Variants in ASTN2 observed in about 807,000 individuals in gnomAD.
The protein encoded by ASTN2 is astrotactin-2.
ASTN2 carries 54 observed loss-of-function variants against 139.8 expected under a neutral mutation model. That is an observed-to-expected ratio of 0.39 (90% confidence interval 0.31 to 0.48). The LOEUF is 0.48. Among genes scored for constraint, ASTN2 ranks in the 20% least tolerant of loss-of-function variants. The pLI, the probability that ASTN2 is intolerant of heterozygous loss-of-function variation, is 0.95. For missense variants in ASTN2, 1,565 were observed against 1,725.1 expected, an observed-to-expected ratio of 0.91 and a Z score of 1.64; for synonymous variants, 756 against 719.5, an observed-to-expected ratio of 1.05 and a Z score of -0.81.
intron 2 of ASTN2, among the ~76,000 whole-genome samples, chr9:117,273,611 C>T (rs1834116128): frequency 6.6e-6 from 1 of 152,172 alleles, no homozygotes; most frequent in African/African-American, 2.4e-5. Flanking sequence ...GGGCCATGCA[C>T]ATGAGCACAC....
chr9:116,915,620 GA>G lies in ASTN2; in HGVS notation c.1890-51888del, dbSNP rs543197903. On this transcript the variant is annotated intron_variant, in intron 10 of 22. Transcript: ENST00000313400. Reference sequence around the variant, plus strand: ...ATCACGTCAATCTTGGCTACATGATGAAGCCTCCATAAAAATCCTTAAGCTG... The same window carrying G: ...ATCACGTCAATCTTGGCTACATGATGAGCCTCCATAAAAATCCTTAAGCTG... Among the ~76,000 whole-genome samples the G allele has an allele frequency of 7.2e-4, 110 of 152,276 alleles. 1 individual carries two copies. The highest frequency in any genetic ancestry group is 7.6e-4 in the Non-Finnish European group (52 of 68,022).
intron 20 of ASTN2, among the ~76,000 whole-genome samples, chr9:116,476,514 C>T (rs1052934294): frequency 2.6e-5 from 4 of 152,128 alleles, no homozygotes; most frequent in African/African-American, 9.7e-5. Flanking sequence ...CAGGTAACAG[C>T]CTGGTCCTTT....
chr9:116,487,238 G>T, intron 20 of ASTN2, 121 bp downstream of exon 20: 2 of 1,236,248 alleles, frequency 1.6e-6, no homozygotes, highest in Non-Finnish European at 2.2e-6. Flanking sequence ...ATCTCAAGTT[G>T]CACATACAGG....
At chr9:116,955,741 T>G (rs962138442) in intron 10 of ASTN2, among the ~76,000 whole-genome samples, 4 of 152,230 alleles carry the variant, frequency 2.6e-5, no homozygotes, top group Non-Finnish European at 5.9e-5. Context: ...TTATTTTCTC[T>G]TCTATAAAAT....
intron 13 of ASTN2, among the ~76,000 whole-genome samples, chr9:116,779,566 C>A (rs1185687039): frequency 1.3e-5 from 2 of 152,138 alleles, no homozygotes; most frequent in African/African-American, 4.8e-5. Context: ...CATTCCCTGA[C>A]CTTTCACCTT....
intron 5 of ASTN2, among the ~76,000 whole-genome samples, chr9:117,087,287 T>G (rs1347838980): frequency 2.0e-5 from 3 of 152,152 alleles, no homozygotes; most frequent in Non-Finnish European, 4.4e-5. Flanking sequence ...CAGTCTTTAG[T>G]GCAGAGGTGC....
In ASTN2 at chr9:116,440,643, A is replaced by G. The variant is rs1847812568; in HGVS notation, c.3748T>C (p.Phe1250Leu). 1 of 1,614,026 alleles carries G rather than the reference A, an allele frequency of 6.2e-7. No individual in the cohort carries two copies. Reference sequence around the variant, plus strand: ...AGCTCATCCTCACTTCTCCAGACGAAGTCGCCAAACTTTTCATAGTGAGAG... The same window carrying G: ...AGCTCATCCTCACTTCTCCAGACGAGGTCGCCAAACTTTTCATAGTGAGAG... ...YNSHYEKFGD[F>L]VWRSEDELGP... The change falls in exon 22 of 23, where the codon TTC (phenylalanine) becomes CTC (leucine). Residue 1250 changes from phenylalanine to leucine, a missense_variant. Physicochemically the swap from Phe to Leu is conservative, Grantham distance 22. Coordinates refer to ENST00000313400, the MANE Select transcript of ASTN2 (RefSeq NM_001365068.1).
chr9:117,060,462 AAGGAAGGAAGG>A lies in ASTN2; in HGVS notation c.1277-20508_1277-20498del, dbSNP rs746693513. ...AGAGAGAGAAAGAAAGAAAGAAAGG[AAGGAAGGAAGG>A]AAGGAAGGAAGGAATGAAAGAAAGA... On this transcript the variant is annotated intron_variant, in intron 5 of 22. Coordinates refer to ENST00000313400, the MANE Select transcript of ASTN2 (RefSeq NM_001365068.1). 9.5e-4 allele frequency among the ~76,000 whole-genome samples: 86 copies of A among 90,804 alleles called. 11 individuals carry two copies. Among genetic ancestry groups the A allele is most frequent in the Non-Finnish European group, 1.6e-3 (76 of 47,214 alleles). The allele number at this position is 90,804 out of a possible 152,430, so 59.6% of individuals were successfully genotyped here. A position where few individuals can be genotyped will look rare whatever the true frequency, so the allele number is the denominator to read the frequency against.
intron 6 of ASTN2, among the ~76,000 whole-genome samples, chr9:117,025,798 C>T (rs908361597): frequency 1.4e-5 from 2 of 144,506 alleles, no homozygotes; most frequent in Middle Eastern, 3.6e-3. Flanking sequence ...CTTTTCTTTT[C>T]TTTTTTTTTT....
chr9:117,127,782 G>A (rs1015933353), intron 4 of ASTN2, among the ~76,000 whole-genome samples: 2 of 137,656 alleles, frequency 1.5e-5, no homozygotes, highest in Admixed American at 8.2e-5. Context: ...CCGGGTTCAC[G>A]CCATTCTCCT....
chr9:116,453,531 T>G (rs1848235960), intron 20 of ASTN2, among the ~76,000 whole-genome samples: 1 of 132,586 alleles, frequency 7.5e-6, no homozygotes. Context: ...GAGGTGGAGC[T>G]TGCAGCGAGC....
intron 4 of ASTN2, among the ~76,000 whole-genome samples, chr9:117,135,064 G>A (rs1212039600): frequency 6.6e-6 from 1 of 152,210 alleles, no homozygotes; most frequent in Non-Finnish European, 1.5e-5. Flanking sequence ...CAGCACTGAT[G>A]ACACAGAAAC....
chr9:117,241,080 C>T lies in ASTN2; in HGVS notation c.631-26338G>A, dbSNP rs559112617. 6.6e-5 allele frequency among the ~76,000 whole-genome samples: 10 copies of T among 152,248 alleles called. 1 individual carries two copies. The South Asian group carries it at 1.4e-3, about 22-fold the overall frequency. On this transcript the variant is annotated intron_variant, in intron 2 of 22. Transcript: ENST00000313400. ...CTCTATGCCAGCTGCTCTTTCCAAGCCTAAGGCCATTCAAAGCTAGTGGGA... is the reference window on the plus strand; with the variant it reads ...CTCTATGCCAGCTGCTCTTTCCAAGTCTAAGGCCATTCAAAGCTAGTGGGA...
intron 1 of ASTN2, among the ~76,000 whole-genome samples, chr9:117,349,795 C>T (rs540927928): frequency 6.6e-6 from 1 of 152,028 alleles, no homozygotes; most frequent in Non-Finnish European, 1.5e-5. Context: ...TCAGAGACTC[C>T]CTGATATGAT....
intron 4 of ASTN2, among the ~76,000 whole-genome samples, chr9:117,107,782 G>A (rs1829143515): frequency 1.3e-5 from 2 of 152,178 alleles, no homozygotes; most frequent in African/African-American, 4.8e-5. Context: ...AATAAATCTG[G>A]TCTTTCCTAT....
chr9:116,959,608 C>T (rs535358792), intron 10 of ASTN2, among the ~76,000 whole-genome samples: 1 of 152,190 alleles, frequency 6.6e-6, no homozygotes, highest in South Asian at 2.1e-4. Flanking sequence ...GCCGGGGGTC[C>T]ACACATGCAG....
chr9:117,014,200 C>T (rs1183636281), intron 6 of ASTN2, among the ~76,000 whole-genome samples: 3 of 152,014 alleles, frequency 2.0e-5, no homozygotes, highest in East Asian at 3.9e-4. Context: ...ACTATCAGCC[C>T]GACAGACCCA....
intron 19 of ASTN2, chr9:116,585,069 A>C (rs1411469624): frequency 6.6e-6 from 1 of 152,198 alleles, no homozygotes; most frequent in Non-Finnish European, 1.5e-5. Flanking sequence ...TTTGATCTAG[A>C]CTATGGTCTA....
At chr9:117,401,654 T>C (rs1830828641) in intron 1 of ASTN2, among the ~76,000 whole-genome samples, 1 of 152,142 alleles carries the variant, frequency 6.6e-6, no homozygotes, top group African/African-American at 2.4e-5. Flanking sequence ...ATTTTAAGCT[T>C]TGCAGGCTAG....
Sources: allele counts gnomAD v4.1 joint callset (sites outside exome capture counted in the v4.1 genomes callset), GRCh38; gene constraint gnomAD v4.1.1; transcripts MANE v1.5; gene names NCBI Gene and HGNC (gene_info 2026-07-23, HGNC 2026-07-21).